The following FHIT variants were observed in gnomAD, a reference collection of about 807,000 sequenced individuals.
FHIT encodes the protein fragile histidine triad diadenosine triphosphatase, also known as bis(5'-adenosyl)-triphosphatase.
A neutral mutation model predicts 17.9 loss-of-function variants in FHIT; 19 were observed. The observed-to-expected ratio is 1.06, with a 90% CI of 0.74 to 1.56. FHIT has a LOEUF of 1.56. Ranked by LOEUF, FHIT falls within the 40% of genes most tolerant of loss-of-function variation. The pLI is 0.00. For synonymous variants in FHIT, 81 were observed against 69.7 expected, an observed-to-expected ratio of 1.16 and a Z score of -0.81; for missense variants, 248 against 189.2, an observed-to-expected ratio of 1.31 and a Z score of -1.82.
At chr3:61,115,496 G>A (rs931414138) in intron 2 of FHIT, among the ~76,000 whole-genome samples, 2 of 152,100 alleles carry the variant, frequency 1.3e-5, no homozygotes, top group African/African-American at 4.8e-5. Flanking sequence ...AAGGAGGGGT[G>A]ACAGCAGGAA....
intron 8 of FHIT, among the ~76,000 whole-genome samples, chr3:59,835,930 C>A (rs1701324040): frequency 6.6e-6 from 1 of 152,088 alleles, no homozygotes; most frequent in South Asian, 2.1e-4. Flanking sequence ...AAGAGTAAAT[C>A]AAGGGGACAC....
At chr3:60,769,724 A>G (rs1699978263) in intron 4 of FHIT, among the ~76,000 whole-genome samples, 1 of 152,222 alleles carries the variant, frequency 6.6e-6, no homozygotes, top group African/African-American at 2.4e-5. Flanking sequence ...TCAGCAGTCT[A>G]TGTGTGGTTG....
intron 3 of FHIT, among the ~76,000 whole-genome samples, chr3:60,904,069 T>A (rs1706263841): frequency 1.3e-5 from 2 of 152,172 alleles, no homozygotes; most frequent in Admixed American, 6.5e-5. Flanking sequence ...CCATTTCTCA[T>A]TTTCCAGCTT....
chr3:60,788,849 ATATATAT>A (rs1559723417), intron 4 of FHIT, among the ~76,000 whole-genome samples: 1 of 152,136 alleles, frequency 6.6e-6, no homozygotes, highest in African/African-American at 2.4e-5. Context: ...ACAAATATAA[ATATATAT>A]TATATATGGC....
chr3:61,030,029 G>T (rs1198156619), intron 3 of FHIT, among the ~76,000 whole-genome samples: 2 of 152,146 alleles, frequency 1.3e-5, no homozygotes, highest in African/African-American at 4.8e-5. Flanking sequence ...GGGTGCAGTG[G>T]TACTATCTCA....
intron 4 of FHIT, among the ~76,000 whole-genome samples, chr3:60,652,256 T>A (rs1577028969): frequency 6.6e-6 from 1 of 152,292 alleles, no homozygotes; most frequent in Middle Eastern, 3.4e-3. Context: ...AGCACCAGCT[T>A]CAAGGCAATA....
chr3:60,842,623 ATGAGTGTATATATATATATATATT>A (rs1702765996), intron 3 of FHIT, among the ~76,000 whole-genome samples: 47 of 104,288 alleles, frequency 4.5e-4, no homozygotes, highest in Middle Eastern at 5.0e-3. Context: ...ACATATATAT[ATGAGTGTATATATATATATATATT>A]TTTTTTTTTT....
At chr3:60,706,225 A>G (rs2041368376) in intron 4 of FHIT, among the ~76,000 whole-genome samples, 1 of 142,292 alleles carries the variant, frequency 7.0e-6, no homozygotes, top group Admixed American at 7.5e-5. Flanking sequence ...GGGGAACATC[A>G]CACATCGGGG....
chr3:60,222,373 G>A (rs1462840455), intron 5 of FHIT, among the ~76,000 whole-genome samples: 1 of 152,096 alleles, frequency 6.6e-6, no homozygotes, highest in Non-Finnish European at 1.5e-5. Context: ...TCTCTGGTAT[G>A]GTTTCTGCCA....
chr3:61,104,261 G>T (rs2035926886), intron 2 of FHIT, among the ~76,000 whole-genome samples: 1 of 152,126 alleles, frequency 6.6e-6, no homozygotes, highest in African/African-American at 2.4e-5. Flanking sequence ...AGGCAGGTCT[G>T]CTGGTAGTGA....
chr3:61,048,500 A>G (rs1024285787), intron 2 of FHIT, among the ~76,000 whole-genome samples: 2 of 152,226 alleles, frequency 1.3e-5, no homozygotes, highest in African/African-American at 4.8e-5. Context: ...GAGGATGTGG[A>G]GAAATAGGAA....
At chr3:61,078,384 C>A (rs903414505) in intron 2 of FHIT, among the ~76,000 whole-genome samples, 2 of 152,076 alleles carry the variant, frequency 1.3e-5, no homozygotes, top group African/African-American at 4.8e-5. Context: ...GGCACATTTT[C>A]CACTGAGTCT....
At chr3:60,110,889 A>G (rs1559641390) in intron 5 of FHIT, among the ~76,000 whole-genome samples, 1 of 152,234 alleles carries the variant, frequency 6.6e-6, no homozygotes, top group Admixed American at 6.5e-5. Flanking sequence ...CTTCTATTCC[A>G]TATATATCAG....
Position 60,139,221 on chromosome 3 carries a change from A to G in FHIT, c.104-125069T>C, listed in dbSNP as rs548515778. Among the ~76,000 whole-genome samples the G allele has an allele frequency of 4.6e-5, 7 of 152,290 alleles. No individual in the cohort carries two copies. In the East Asian group the frequency reaches 1.4e-3, roughly 29 times the overall value. ...CAGTACAGGAAGGCACGTGATGAGG[A>G]GGCTAGCAAGGTTCCTGAGAGCTCA... On this transcript the variant is annotated intron_variant, in intron 5 of 9. Coordinates refer to ENST00000492590, the MANE Select transcript of FHIT (RefSeq NM_002012.4).
At chr3:59,989,146 T>C (rs1273516067) in intron 7 of FHIT, among the ~76,000 whole-genome samples, 1 of 152,004 alleles carries the variant, frequency 6.6e-6, no homozygotes, top group African/African-American at 2.4e-5. Context: ...TTTATCTGGC[T>C]TCCAATGGCA....
intron 5 of FHIT, among the ~76,000 whole-genome samples, chr3:60,271,131 G>T (rs1706848057): frequency 6.6e-6 from 1 of 152,124 alleles, no homozygotes; most frequent in Admixed American, 6.5e-5. Flanking sequence ...CACGCTCCGT[G>T]GCTCACACCT....
At chr3:59,964,313 T>C (rs1018596720) in intron 7 of FHIT, among the ~76,000 whole-genome samples, 4 of 152,142 alleles carry the variant, frequency 2.6e-5, no homozygotes, top group African/African-American at 4.8e-5. Context: ...AGATATGACA[T>C]GCCATTCACA....
intron 5 of FHIT, among the ~76,000 whole-genome samples, chr3:60,052,183 C>A (rs1471100298): frequency 1.3e-5 from 2 of 152,074 alleles, no homozygotes; most frequent in Non-Finnish European, 2.9e-5. Context: ...CTCTAGGGGT[C>A]ACAGTCTATA....
intron 4 of FHIT, among the ~76,000 whole-genome samples, chr3:60,622,355 G>A (rs1467766108): frequency 1.3e-5 from 2 of 151,272 alleles, no homozygotes; most frequent in Admixed American, 6.7e-5. Context: ...TTTTTGAAAC[G>A]TACAAATCTA....
Sources: gnomAD v4.1 joint callset for allele counts (sites outside exome capture counted in the v4.1 genomes callset) on GRCh38, gnomAD v4.1.1 for gene constraint, MANE v1.5 for transcripts, NCBI Gene and HGNC (gene_info 2026-07-23, HGNC 2026-07-21) for gene names.